NFAT5: variants seen among roughly 807,000 people sequenced by gnomAD.
NFAT5 encodes the protein nuclear factor of activated T cells 5, also known as nuclear factor of activated T-cells 5.
NFAT5 carries 31 observed loss-of-function variants against 166.5 expected under a neutral mutation model. The observed-to-expected ratio is 0.19, with a 90% confidence interval of 0.14 to 0.25. The LOEUF (loss-of-function observed/expected upper bound fraction) is 0.25. Among genes scored for constraint, NFAT5 ranks in the 10% least tolerant of loss-of-function variants. NFAT5 has a pLI of 1.00. For missense variants in NFAT5, 1,449 were observed against 1,821.8 expected (o/e 0.80, Z 3.72); for synonymous variants, 612 against 639.7 (o/e 0.96, Z 0.65).
intron 2 of NFAT5, among the ~76,000 whole-genome samples, chr16:69,601,399 T>C (rs967964050): frequency 6.6e-6 from 1 of 152,214 alleles, no homozygotes; most frequent in South Asian, 2.1e-4. Flanking sequence ...ACAGAGTCTC[T>C]CTCTGTTGCC....
chr16:69,655,424 G>C lies in NFAT5; in HGVS notation c.1006-185G>C, dbSNP rs56007125. 4.1e-3 allele frequency among the ~76,000 whole-genome samples: 617 copies of C among 152,080 alleles called. 2 individuals carry two copies. Among genetic ancestry groups the C allele is most frequent in the Middle Eastern group, 0.017 (5 of 294 alleles). ...ATAGTTATTACAGAATTAAAACTAT[G>C]ACTTACTTCAGGAATTTAGCCAACT... On this transcript the variant is annotated intron_variant, in intron 5 of 14. Transcript: ENST00000349945.
chr16:69,596,575 G>A lies in NFAT5; in HGVS notation c.127+28027G>A, dbSNP rs374142172. 3.3e-4 allele frequency among the ~76,000 whole-genome samples: 50 copies of A among 152,026 alleles called. 1 individual carries two copies. In the South Asian group the frequency reaches 8.0e-3, roughly 24 times the overall value. On this transcript the variant is annotated intron_variant, in intron 2 of 14. Coordinates refer to ENST00000349945, the MANE Select transcript of NFAT5 (RefSeq NM_138713.4). ...TCTACTAAAAATACAAAAATTAGCC[G>A]GGCGTGGTGGCACGTGCCTGTAATT... is the stretch of plus-strand genomic sequence containing the variant.
chr16:69,623,628 C>A (rs556233131), intron 2 of NFAT5, among the ~76,000 whole-genome samples: 1 of 152,032 alleles, frequency 6.6e-6, no homozygotes, highest in African/African-American at 2.4e-5. Flanking sequence ...CTGCCTCAGC[C>A]TCCCAAGTAG....
intron 3 of NFAT5, among the ~76,000 whole-genome samples, chr16:69,630,085 C>T (rs552137099): frequency 1.9e-4 from 29 of 151,998 alleles, no homozygotes; most frequent in South Asian, 8.3e-4. Flanking sequence ...TGCAGGTGCA[C>T]GCCACCATGC....
intron 11 of NFAT5, among the ~76,000 whole-genome samples, chr16:69,689,687 G>C (rs559376407): frequency 6.6e-6 from 1 of 152,302 alleles, no homozygotes; most frequent in Non-Finnish European, 1.5e-5. Context: ...GGGATTTACA[G>C]GCATGTGCCA....
rs2037556162 is a variant in NFAT5 at position 69,691,838 on chromosome 16, C to T, written c.2013C>T (p.Ser671=). The change falls in exon 13 of 15, where the codon TCC becomes TCT. Residue 671 remains serine (S), a synonymous_variant. Transcript: ENST00000349945. ...GCTCTTTTTCATCACCATCATCTTC[C>T]CACCTACCTTCTGAAAATGAAAAAC... The part of the protein sequence containing the change: ...GNGSFSSPSS[S]HLPSENEKQQ... 6.2e-7 allele frequency: 1 copy of T among 1,614,112 alleles called. No individual in the cohort carries two copies. The highest frequency in any genetic ancestry group is 8.5e-7 in the Non-Finnish European group (1 of 1,180,016).
At chr16:69,644,754 T>C (rs2035363314) in intron 3 of NFAT5, 1 of 420,848 alleles carries the variant, frequency 2.4e-6, no homozygotes, top group Non-Finnish European at 4.7e-6. Flanking sequence ...GCTTTTGGGT[T>C]CATGATTGCT....
chr16:69,585,775 CAT>C (rs983685410), intron 2 of NFAT5, among the ~76,000 whole-genome samples: 1 of 152,092 alleles, frequency 6.6e-6, no homozygotes, highest in African/African-American at 2.4e-5. Flanking sequence ...TAACCAGACA[CAT>C]GAGATACTTA....
intron 2 of NFAT5, among the ~76,000 whole-genome samples, chr16:69,613,592 C>T (rs1487964772): frequency 6.6e-6 from 1 of 152,156 alleles, no homozygotes; most frequent in African/African-American, 2.4e-5. Flanking sequence ...TTTATAGTTT[C>T]TCCTTCCTTT....
intron 13 of NFAT5, 107 bp from the exon 14 acceptor site, chr16:69,695,029 C>G (rs565171544): frequency 1.2e-6 from 1 of 837,342 alleles, no homozygotes; most frequent in Non-Finnish European, 1.9e-6. Flanking sequence ...TCCCCAACAA[C>G]TAATAAATAT....
intron 7 of NFAT5, among the ~76,000 whole-genome samples, chr16:69,663,564 T>TAA (rs60161117): frequency 1.7e-3 from 158 of 91,908 alleles, no homozygotes; most frequent in Middle Eastern, 6.3e-3. Flanking sequence ...CCCATCTCTT[T>TAA]AAAAAAAAAA....
chr16:69,688,544 G>A (rs1232625679), intron 11 of NFAT5, among the ~76,000 whole-genome samples: 1 of 150,684 alleles, frequency 6.6e-6, no homozygotes, highest in Non-Finnish European at 1.5e-5. Context: ...TACTTTTTTT[G>A]TATTTTTAGT....
intron 2 of NFAT5, among the ~76,000 whole-genome samples, chr16:69,617,822 A>G (rs928031362): frequency 2.1e-4 from 32 of 152,126 alleles, no homozygotes; most frequent in African/African-American, 4.8e-5. Context: ...TGAGTGAAAA[A>G]TAATACCTAG....
At chr16:69,588,980 C>CTTTTTTTTTTTTTTTTTT (rs945918292) in intron 2 of NFAT5, among the ~76,000 whole-genome samples, 1 of 34,368 alleles carries the variant, frequency 2.9e-5, no homozygotes, top group Admixed American at 3.4e-4. Context: ...TTTCCTACTT[C>CTTTTTTTTTTTTTTTTTT]TTTTTTTTTT....
chr16:69,626,943 CTT>C (rs2151581184), intron 3 of NFAT5, among the ~76,000 whole-genome samples: 1 of 152,006 alleles, frequency 6.6e-6, no homozygotes, highest in African/African-American at 2.4e-5. Context: ...ACTCAAGTGT[CTT>C]TTATATTCAT....
intron 6 of NFAT5, among the ~76,000 whole-genome samples, chr16:69,656,978 G>A (rs1285554905): frequency 1.3e-5 from 2 of 152,126 alleles, no homozygotes; most frequent in East Asian, 1.9e-4. Context: ...CGTAACAGCA[G>A]GAAATATATT....
At chr16:69,641,314 A>C (rs1420535477) in intron 3 of NFAT5, among the ~76,000 whole-genome samples, 1 of 150,728 alleles carries the variant, frequency 6.6e-6, no homozygotes, top group African/African-American at 2.4e-5. Flanking sequence ...AATTGTTTCC[A>C]AATATCTTTT....
Position 69,692,892 on chromosome 16 carries a change from T to G in NFAT5, c.3067T>G (p.Phe1023Val). 1 of 1,614,190 alleles carries G rather than the reference T, an allele frequency of 6.2e-7. No individual in the cohort carries two copies. The highest frequency in any genetic ancestry group is 8.5e-7 in the Non-Finnish European group (1 of 1,180,036). Residue 1023 changes from phenylalanine (F) to valine (V), a missense_variant, in exon 13 of 15, where the codon TTT (phenylalanine) becomes GTT (valine). Phe to Val is a conservative substitution (Grantham distance 50). Around this residue, in one of 7 missense-constraint regions of NFAT5, gnomAD observed 891 missense variants for 993.0 expected, o/e 0.90. Transcript: ENST00000349945. ...TQAKQIQNSV[F>V]QTMVQMQHSG... ...AGCAAAACAGATTCAGAACAGTGTC[T>G]TTCAGACCATGGTCCAAATGCAACA...
chr16:69,675,665 G>A (rs1415230648), intron 9 of NFAT5, among the ~76,000 whole-genome samples: 1 of 152,106 alleles, frequency 6.6e-6, no homozygotes, highest in Non-Finnish European at 1.5e-5. Flanking sequence ...TGGAGACAGA[G>A]TTACGCTCTT....
Sources: gnomAD v4.1 joint callset for allele counts (sites outside exome capture counted in the v4.1 genomes callset) on GRCh38, gnomAD v4.1.1 for gene constraint, gnomAD v4.1.1 regional missense constraint, MANE v1.5 for transcripts, NCBI Gene and HGNC (gene_info 2026-07-23, HGNC 2026-07-21) for gene names.